DOCK4: variants seen among roughly 807,000 people sequenced by gnomAD.
DOCK4 encodes the protein dedicator of cytokinesis protein 4.
In DOCK4, 97 loss-of-function variants were observed where a neutral mutation model predicts 268.1. The ratio of observed to expected loss-of-function variants is 0.36; its 90% CI spans 0.31 to 0.43. The LOEUF (loss-of-function observed/expected upper bound fraction) is 0.43, where lower values mean the gene tolerates loss of function less well. DOCK4 is among the 20% of genes least tolerant of loss of function. DOCK4 has a pLI of 1.00. For missense variants in DOCK4, 2,145 were observed against 2,455.7 expected, an observed-to-expected ratio of 0.87 and a Z score of 2.67; for synonymous variants, 954 against 887.2, an observed-to-expected ratio of 1.08 and a Z score of -1.34.
chr7:111,734,959 A>C (rs2133387853), intron 51 of DOCK4, 95 bp downstream of exon 51: 1 of 978,592 alleles, frequency 1.0e-6, no homozygotes, highest in Non-Finnish European at 1.6e-6. Context: ...CCAGAAATCA[A>C]ACGCCTACCT....
At chr7:112,094,879 T>A (rs913680706) in intron 1 of DOCK4, among the ~76,000 whole-genome samples, 1 of 152,176 alleles carries the variant, frequency 6.6e-6, no homozygotes, top group Non-Finnish European at 1.5e-5. Flanking sequence ...CCATGCGATG[T>A]GCTTGCTCCT....
chr7:111,784,349 G>T, intron 32 of DOCK4: 2 of 691,962 alleles, frequency 2.9e-6, no homozygotes, highest in South Asian at 3.0e-5. Flanking sequence ...TTTTAAGCAA[G>T]ATCTTGCTTT....
intron 27 of DOCK4, among the ~76,000 whole-genome samples, chr7:111,818,622 C>T (rs957798487): frequency 6.6e-6 from 1 of 152,218 alleles, no homozygotes; most frequent in African/African-American, 2.4e-5. Context: ...TGGATGGCTG[C>T]AGTAAGCTCC....
chr7:112,169,649 C>A (rs1817908523), intron 1 of DOCK4, among the ~76,000 whole-genome samples: 2 of 152,154 alleles, frequency 1.3e-5, no homozygotes, highest in African/African-American at 4.8e-5. Flanking sequence ...CCATCCAAGG[C>A]CTTCTTGTTC....
At chr7:111,731,880 T>C (rs1795113470) in intron 52 of DOCK4, among the ~76,000 whole-genome samples, 1 of 151,706 alleles carries the variant, frequency 6.6e-6, no homozygotes, top group Admixed American at 6.6e-5. Flanking sequence ...GTGTGTTTGA[T>C]GTACCTTAAA....
At chr7:111,992,133 C>T (rs1799593369) in intron 5 of DOCK4, among the ~76,000 whole-genome samples, 9 of 151,966 alleles carry the variant, frequency 5.9e-5, no homozygotes, top group Admixed American at 5.9e-4. Context: ...TTTTAGAGAC[C>T]ATTATTTAGG....
intron 1 of DOCK4, among the ~76,000 whole-genome samples, chr7:112,030,986 A>T (rs1803224527): frequency 1.3e-5 from 2 of 152,248 alleles, no homozygotes; most frequent in African/African-American, 4.8e-5. Flanking sequence ...CGTGATTTGC[A>T]GTGTAACATA....
chr7:111,785,601 C>A (rs1265071059), intron 32 of DOCK4, among the ~76,000 whole-genome samples: 1 of 152,164 alleles, frequency 6.6e-6, no homozygotes, highest in East Asian at 1.9e-4. Flanking sequence ...GTCTAAAACC[C>A]AGATCATCTG....
chr7:112,027,288 A>C (rs756673760), intron 1 of DOCK4, among the ~76,000 whole-genome samples: 3 of 152,002 alleles, frequency 2.0e-5, no homozygotes, highest in Non-Finnish European at 4.4e-5. Context: ...GCAGTGGTGC[A>C]ATCTCGGCTC....
intron 1 of DOCK4, among the ~76,000 whole-genome samples, chr7:112,174,344 A>G (rs901527709): frequency 2.0e-5 from 3 of 152,130 alleles, no homozygotes; most frequent in Non-Finnish European, 2.9e-5. Context: ...TCTTTAATTC[A>G]TTCAGAAGCT....
chr7:111,996,072 A>G (rs1338692434), intron 4 of DOCK4, among the ~76,000 whole-genome samples: 2 of 152,212 alleles, frequency 1.3e-5, no homozygotes, highest in Non-Finnish European at 2.9e-5. Flanking sequence ...AGGAGGAAAC[A>G]CTGAATTTCC....
intron 1 of DOCK4, among the ~76,000 whole-genome samples, chr7:112,041,525 G>T (rs1458797681): frequency 6.6e-6 from 1 of 152,116 alleles, no homozygotes; most frequent in Non-Finnish European, 1.5e-5. Context: ...AGTTAATTAT[G>T]CCAAATCATA....
At chr7:111,931,491 G>T (rs1473048728) in intron 12 of DOCK4, among the ~76,000 whole-genome samples, 2 of 152,140 alleles carry the variant, frequency 1.3e-5, no homozygotes, top group Non-Finnish European at 2.9e-5. Context: ...GGGAGGAACT[G>T]CCCAAGGAAA....
At chr7:111,886,211 T>C (rs1321823300) in intron 16 of DOCK4, among the ~76,000 whole-genome samples, 1 of 152,170 alleles carries the variant, frequency 6.6e-6, no homozygotes, top group Non-Finnish European at 1.5e-5. Flanking sequence ...TGGTAGACAA[T>C]CCAGTTGAAA....
chr7:112,052,474 G>A (rs559724430), intron 1 of DOCK4, among the ~76,000 whole-genome samples: 2 of 151,742 alleles, frequency 1.3e-5, no homozygotes, highest in African/African-American at 4.8e-5. Context: ...CCTCACTTCG[G>A]GCATATAATG....
At chr7:111,739,523 C>G in intron 47 of DOCK4, 46 bp from the exon 48 acceptor site, 1 of 1,492,476 alleles carries the variant, frequency 6.7e-7, no homozygotes, top group Non-Finnish European at 9.1e-7. Context: ...TTAAAGGCTT[C>G]CCACGACACT....
At chr7:111,881,307 C>T (rs971540929) in intron 16 of DOCK4, among the ~76,000 whole-genome samples, 7 of 152,148 alleles carry the variant, frequency 4.6e-5, no homozygotes, top group Admixed American at 2.0e-4. Context: ...ACATGGCAAA[C>T]AGGCATATAA....
chr7:112,204,385 A>C (rs1240151759), intron 1 of DOCK4, among the ~76,000 whole-genome samples: 1 of 152,206 alleles, frequency 6.6e-6, no homozygotes, highest in East Asian at 1.9e-4. Flanking sequence ...TCCTGCACTG[A>C]GTGTTAAAGC....
intron 30 of DOCK4, among the ~76,000 whole-genome samples, chr7:111,806,762 G>C (rs1344448250): frequency 6.6e-6 from 1 of 152,172 alleles, no homozygotes; most frequent in Admixed American, 6.5e-5. Flanking sequence ...GGTGGAGTGA[G>C]AGATTTTGCA....
Sources: gnomAD v4.1 joint callset for allele counts (sites outside exome capture counted in the v4.1 genomes callset) on GRCh38, gnomAD v4.1.1 for gene constraint, MANE v1.5 for transcripts, NCBI Gene and HGNC (gene_info 2026-07-23, HGNC 2026-07-21) for gene names.